TRMT10A: variants seen among roughly 807,000 people sequenced by gnomAD.
TRMT10A encodes the protein tRNA methyltransferase 10 homolog A.
A neutral mutation model predicts 40.4 loss-of-function variants in TRMT10A; 37 were observed. The observed-to-expected ratio is 0.92, with a 90% CI of 0.71 to 1.21. The LOEUF (loss-of-function observed/expected upper bound fraction) is 1.21. Ranked by LOEUF, TRMT10A falls within the 50% of genes most tolerant of loss-of-function variation. The pLI, the probability that TRMT10A is intolerant of heterozygous loss-of-function variation, is 0.00. For synonymous variants in TRMT10A, 103 were observed against 134.1 expected, an observed-to-expected ratio of 0.77 and a Z score of 1.60; for missense variants, 388 against 404.3, an observed-to-expected ratio of 0.96 and a Z score of 0.35.
At position 99,549,058 on chromosome 4, in the gene TRMT10A, T is replaced by C. The variant is rs762788532; in HGVS notation, c.*30A>G. 1.2e-6 allele frequency: 2 copies of C among 1,605,038 alleles called. No homozygotes were observed. The highest frequency in any genetic ancestry group is 2.2e-5 in the South Asian group (2 of 90,398). On this transcript the variant is annotated 3_prime_UTR_variant, in exon 8 of 8. Coordinates refer to ENST00000394876, the MANE Select transcript of TRMT10A (RefSeq NM_001134665.3). ...ATAGCACCTCACTTTCTCCTAATTT[T>C]TCCTTAAACTAAAAGGAAACCAGGT...
chr4:99,562,199 A>ATG (rs565108332), intron 1 of TRMT10A, among the ~76,000 whole-genome samples: 2 of 117,652 alleles, frequency 1.7e-5, no homozygotes, highest in South Asian at 2.6e-4. Context: ...ATATATATAT[A>ATG]TATGTGTGTG....
At chr4:99,556,316 A>C (rs1270193997) in intron 4 of TRMT10A, 96 bp from the exon 5 acceptor site, 1 of 1,102,080 alleles carries the variant, frequency 9.1e-7, no homozygotes, top group African/African-American at 1.6e-5. Context: ...GATCAATGAA[A>C]CACAAAATAT....
intron 6 of TRMT10A, among the ~76,000 whole-genome samples, chr4:99,551,540 T>C (rs1292234007): frequency 6.6e-6 from 1 of 152,158 alleles, no homozygotes; most frequent in Non-Finnish European, 1.5e-5. Flanking sequence ...ACAAACCTTC[T>C]GCTCATCACA....
At chr4:99,554,738 A>AG (rs971009285) in intron 5 of TRMT10A, among the ~76,000 whole-genome samples, 4 of 151,582 alleles carry the variant, frequency 2.6e-5, no homozygotes, top group East Asian at 1.9e-4. Flanking sequence ...AAAAAAAAAA[A>AG]AAAGAAAGAA....
intron 5 of TRMT10A, 103 bp downstream of exon 5, chr4:99,556,043 T>C: frequency 1.0e-6 from 1 of 986,990 alleles, no homozygotes; most frequent in East Asian, 2.7e-5. Context: ...CATCTGGAGA[T>C]TGTTGTATTA....
chr4:99,557,308 A>G (rs780269362), intron 4 of TRMT10A, 37 bp downstream of exon 4: 1 of 1,582,128 alleles, frequency 6.3e-7, no homozygotes. Flanking sequence ...AAGACATAAA[A>G]GAAAACTAGA....
intron 1 of TRMT10A, among the ~76,000 whole-genome samples, chr4:99,561,653 AT>A (rs1724403378): frequency 6.6e-6 from 1 of 152,222 alleles, no homozygotes; most frequent in Non-Finnish European, 1.5e-5. Context: ...AATAAGTATA[AT>A]GTATATCTAC....
chr4:99,550,064 G>A (rs1723901551), intron 7 of TRMT10A, among the ~76,000 whole-genome samples: 1 of 151,512 alleles, frequency 6.6e-6, no homozygotes, highest in Admixed American at 6.6e-5. Flanking sequence ...GCAAAGACCG[G>A]TACAAGGATG....
Position 99,560,617 on chromosome 4 carries a change from C to G in TRMT10A, c.-23-1256G>C, listed in dbSNP as rs116040758. Among the ~76,000 whole-genome samples the G allele has an allele frequency of 3.8e-3, 577 of 151,996 alleles. 5 individuals are homozygous for G. The highest frequency in any genetic ancestry group is 0.013 in the African/African-American group (542 of 41,468). ...AAATCTAGAAAGTAAGGTAAGCATT[C>G]AATTTAAGAAACTGGAGGTGGGGAA... On this transcript the variant is annotated intron_variant, in intron 1 of 7. Transcript: ENST00000394876.
chr4:99,554,034 T>C (rs1724064962), intron 5 of TRMT10A, 100 bp from the exon 6 acceptor site: 2 of 1,224,052 alleles, frequency 1.6e-6, no homozygotes, highest in Admixed American at 4.5e-5. Flanking sequence ...CATTCAAAAA[T>C]ATATGAAACA....
In TRMT10A at chr4:99,550,022, C is replaced by T. The variant is rs761079312; in HGVS notation, c.752-666G>A. On this transcript the variant is annotated intron_variant, in intron 7 of 7. Coordinates refer to ENST00000394876, the MANE Select transcript of TRMT10A (RefSeq NM_001134665.3). ...AGTAGTTGTGTATTGACTAAAAACT[C>T]GGCTTAAAAATTTTTTTAAAGCAAA... 3.3e-5 allele frequency among the ~76,000 whole-genome samples: 5 copies of T among 152,024 alleles called. No homozygotes were observed. In the East Asian group the frequency reaches 5.8e-4, roughly 18 times the overall value.
At chr4:99,551,035 T>A in intron 6 of TRMT10A, 45 bp from the exon 7 acceptor site, 1 of 1,360,442 alleles carries the variant, frequency 7.4e-7, no homozygotes, top group Non-Finnish European at 1.0e-6. Flanking sequence ...TTAAATTATT[T>A]AAAGTTTCTG....
intron 7 of TRMT10A, among the ~76,000 whole-genome samples, 158 bp downstream of exon 7, chr4:99,550,727 A>AT (rs1269767116): frequency 6.6e-6 from 1 of 152,196 alleles, no homozygotes; most frequent in Non-Finnish European, 1.5e-5. Flanking sequence ...AAATTTTCTA[A>AT]TACACATTAT....
At chr4:99,554,500 A>G (rs2110187354) in intron 5 of TRMT10A, among the ~76,000 whole-genome samples, 1 of 152,192 alleles carries the variant, frequency 6.6e-6, no homozygotes, top group African/African-American at 2.4e-5. Context: ...AGGCAGGTGG[A>G]TCACAAGGTC....
intron 1 of TRMT10A, 79 bp downstream of exon 1, chr4:99,563,834 G>A (rs1391633780): frequency 1.4e-5 from 9 of 655,766 alleles, no homozygotes; most frequent in African/African-American, 1.2e-4. Flanking sequence ...TGCTAGTAGG[G>A]GGCTGCATGG....
chr4:99,556,114 G>C, intron 5 of TRMT10A, 32 bp downstream of exon 5: 5 of 1,586,966 alleles, frequency 3.2e-6, no homozygotes, highest in Non-Finnish European at 4.3e-6. Context: ...AAAATACTTG[G>C]AATTATGTGA....
intron 2 of TRMT10A, 99 bp from the exon 3 acceptor site, chr4:99,558,310 A>G (rs1724251027): frequency 9.3e-7 from 1 of 1,074,540 alleles, no homozygotes; most frequent in African/African-American, 1.6e-5. Flanking sequence ...ATCAGGTTAA[A>G]TCATATGAAA....
rs1370879232 is a variant in TRMT10A, at chr4:99,547,998, T to C, written c.*1090A>G. The C allele has an allele frequency of 6.6e-6, 1 of 152,134 alleles. No homozygotes were observed. The allele number at this position is 152,134 out of a possible 1,614,324, so 9.4% of individuals were successfully genotyped here. A position where few individuals can be genotyped will look rare whatever the true frequency, so the allele number is the denominator to read the frequency against. The stretch of plus-strand genomic sequence containing the variant: ...CTTTCACACTATTCTTTCTTGCCAA[T>C]GTTCCCATACAAACGTTAAGGATTT... On this transcript the variant is annotated 3_prime_UTR_variant, in exon 8 of 8. Transcript: ENST00000394876.
rs929340090 is a variant in TRMT10A, at chr4:99,563,928, A to G, written c.-39T>C. The G allele has an allele frequency of 3.7e-6, 3 of 817,810 alleles. No individual in the cohort carries two copies. Among genetic ancestry groups the G allele is most frequent in the Admixed American group, 2.0e-5 (1 of 50,118 alleles). The allele number at this position is 817,810 out of a possible 1,614,324, so 50.7% of individuals were successfully genotyped here. A position where few individuals can be genotyped will look rare whatever the true frequency, so the allele number is the denominator to read the frequency against. ...GGACACTTACCGAGCTGAAGAGTTG[A>G]CAGGGAAGTGAAATCTCAGAAAGAA... On this transcript the variant is annotated 5_prime_UTR_variant, in exon 1 of 8. Transcript: ENST00000394876.
Sources: gnomAD v4.1 joint callset for allele counts (sites outside exome capture counted in the v4.1 genomes callset) on GRCh38, gnomAD v4.1.1 for gene constraint, MANE v1.5 for transcripts, NCBI Gene and HGNC (gene_info 2026-07-23, HGNC 2026-07-21) for gene names.